Variants in STIM2 observed in about 807,000 individuals in gnomAD.
STIM2 encodes the protein stromal interaction molecule 2.
Under a neutral mutation model 85.8 loss-of-function variants are expected in STIM2, and 31 were observed. The observed-to-expected ratio is 0.36, with a 90% confidence interval of 0.27 to 0.49. The LOEUF (loss-of-function observed/expected upper bound fraction) is 0.49, where lower values mean the gene tolerates loss of function less well. STIM2 is among the 20% of genes least tolerant of loss of function. The pLI is 0.98. For missense variants in STIM2, 841 were observed against 927.6 expected (o/e 0.91, Z 1.21); for synonymous variants, 356 against 331.1 (o/e 1.08, Z -0.82).
At chr4:26,906,930 G>A (rs184475588) in intron 1 of STIM2, among the ~76,000 whole-genome samples, 6 of 149,020 alleles carry the variant, frequency 4.0e-5, no homozygotes, top group African/African-American at 1.5e-4. Flanking sequence ...TTGCATCACT[G>A]CACTCCAGCC....
chr4:26,933,733 CAA>C (rs771503772), intron 2 of STIM2, among the ~76,000 whole-genome samples: 6 of 47,758 alleles, frequency 1.3e-4, no homozygotes, highest in African/African-American at 3.5e-4. Context: ...GACCTGATCT[CAA>C]AAAAAAAAAA....
At chr4:27,016,739 CTA>C (rs1233191925) in intron 10 of STIM2, among the ~76,000 whole-genome samples, 1 of 152,188 alleles carries the variant, frequency 6.6e-6, no homozygotes, top group Non-Finnish European at 1.5e-5. Context: ...ATTCCAATAC[CTA>C]ACGTGGGCCC....
intron 6 of STIM2, among the ~76,000 whole-genome samples, 188 bp downstream of exon 6, chr4:27,002,582 G>C (rs985980632): frequency 6.6e-6 from 1 of 152,178 alleles, no homozygotes; most frequent in Non-Finnish European, 1.5e-5. Context: ...GTGTATACTT[G>C]AGAATAAATG....
intron 3 of STIM2, among the ~76,000 whole-genome samples, chr4:26,970,469 C>A (rs1359769730): frequency 6.6e-6 from 1 of 151,782 alleles, no homozygotes; most frequent in East Asian, 1.9e-4. Flanking sequence ...TGTTCAGTTC[C>A]CACCTATGAG....
At chr4:26,997,922 A>C (rs901032724) in intron 4 of STIM2, among the ~76,000 whole-genome samples, 1 of 152,174 alleles carries the variant, frequency 6.6e-6, no homozygotes, top group African/African-American at 2.4e-5. Flanking sequence ...ATACTTAGAG[A>C]GTACTGATAT....
chr4:26,896,551 C>A (rs191650042), intron 1 of STIM2, among the ~76,000 whole-genome samples: 1 of 152,094 alleles, frequency 6.6e-6, no homozygotes, highest in Non-Finnish European at 1.5e-5. Flanking sequence ...TTTTAAAAAA[C>A]GCTTTTATTT....
intron 3 of STIM2, among the ~76,000 whole-genome samples, chr4:26,994,891 C>T (rs1727899536): frequency 6.6e-6 from 1 of 152,102 alleles, no homozygotes; most frequent in Admixed American, 6.6e-5. Flanking sequence ...TGAAATTTCC[C>T]TTCCTCTTCT....
At chr4:26,916,036 C>T (rs1724566195) in intron 1 of STIM2, among the ~76,000 whole-genome samples, 1 of 152,124 alleles carries the variant, frequency 6.6e-6, no homozygotes, top group South Asian at 2.1e-4. Context: ...GTAGCAGTTG[C>T]CTTTCAAACC....
At chr4:26,977,908 A>G (rs1727254064) in intron 3 of STIM2, among the ~76,000 whole-genome samples, 2 of 152,210 alleles carry the variant, frequency 1.3e-5, no homozygotes, top group Admixed American at 6.5e-5. Context: ...GAGGAGAGCC[A>G]GGAGAATGTG....
At chr4:27,020,102 A>C (rs1054508225) in intron 11 of STIM2, among the ~76,000 whole-genome samples, 1 of 152,212 alleles carries the variant, frequency 6.6e-6, no homozygotes, top group African/African-American at 2.4e-5. Context: ...TAATGGTAGG[A>C]CCATCTTAGG....
At chr4:27,004,219 G>GT in intron 7 of STIM2, among the ~76,000 whole-genome samples, 1 of 152,206 alleles carries the variant, frequency 6.6e-6, no homozygotes, top group South Asian at 2.1e-4. Context: ...TTTTATAACT[G>GT]TTAACCACTC....
At chr4:26,920,324 A>G (rs961669472) in intron 2 of STIM2, among the ~76,000 whole-genome samples, 2 of 152,146 alleles carry the variant, frequency 1.3e-5, no homozygotes, top group African/African-American at 4.8e-5. Context: ...GATATAGATA[A>G]CCAGGAAATG....
intron 3 of STIM2, among the ~76,000 whole-genome samples, chr4:26,993,252 C>G (rs1411153467): frequency 1.3e-5 from 2 of 151,986 alleles, no homozygotes; most frequent in African/African-American, 4.8e-5. Context: ...TGGAAAACAC[C>G]CAGGGCCTGA....
At chr4:26,909,739 C>T (rs1291114610) in intron 1 of STIM2, among the ~76,000 whole-genome samples, 1 of 152,180 alleles carries the variant, frequency 6.6e-6, no homozygotes, top group Non-Finnish European at 1.5e-5. Flanking sequence ...AGTAGCACTG[C>T]GTACATCATA....
chr4:26,987,139 G>A (rs1727610411), intron 3 of STIM2, among the ~76,000 whole-genome samples: 1 of 152,152 alleles, frequency 6.6e-6, no homozygotes, highest in African/African-American at 2.4e-5. Context: ...CTTCAGCTGG[G>A]TGGCCACAGC....
chr4:27,001,116 C>G (rs184961251), intron 5 of STIM2, among the ~76,000 whole-genome samples: 1 of 152,206 alleles, frequency 6.6e-6, no homozygotes, highest in Non-Finnish European at 1.5e-5. Context: ...AAACCCCAGA[C>G]TTGTCAGCCT....
chr4:26,936,761 A>G (rs1170118918), intron 2 of STIM2, among the ~76,000 whole-genome samples: 1 of 152,180 alleles, frequency 6.6e-6, no homozygotes, highest in Non-Finnish European at 1.5e-5. Flanking sequence ...ATTTCATAGT[A>G]TGGAGCATCG....
intron 1 of STIM2, among the ~76,000 whole-genome samples, chr4:26,904,824 A>G (rs1374816591): frequency 6.6e-6 from 1 of 151,818 alleles, no homozygotes; most frequent in Non-Finnish European, 1.5e-5. Context: ...CGTGGCAACA[A>G]TTCACTGTGA....
At chr4:26,964,842 A>C (rs1252780212) in intron 3 of STIM2, among the ~76,000 whole-genome samples, 2 of 152,154 alleles carry the variant, frequency 1.3e-5, no homozygotes, top group African/African-American at 4.8e-5. Context: ...GCACTGTGGG[A>C]TAATAAAAGG....
Sources: allele counts gnomAD v4.1 joint callset (sites outside exome capture counted in the v4.1 genomes callset), GRCh38; gene constraint gnomAD v4.1.1; transcripts MANE v1.5; gene names NCBI Gene and HGNC (gene_info 2026-07-23, HGNC 2026-07-21).